Variants in KAT2B observed in about 807,000 individuals in gnomAD.
The protein encoded by KAT2B is histone acetyltransferase KAT2B.
In KAT2B, 36 loss-of-function variants were observed where a neutral mutation model predicts 105.9. That is an observed-to-expected ratio of 0.34 (90% CI 0.26 to 0.45). The LOEUF (loss-of-function observed/expected upper bound fraction) is 0.45. Ranked by LOEUF, KAT2B falls within the 20% of genes least tolerant of loss-of-function variation. The pLI, the probability that KAT2B is intolerant of heterozygous loss-of-function variation, is 1.00. For missense variants in KAT2B, 820 were observed against 1,021.6 expected, an observed-to-expected ratio of 0.80 and a Z score of 2.69; for synonymous variants, 397 against 377.9, an observed-to-expected ratio of 1.05 and a Z score of -0.59.
chr3:20,146,254 C>A, intron 13 of KAT2B, 62 bp from the exon 14 acceptor site: 3 of 911,026 alleles, frequency 3.3e-6, no homozygotes, highest in South Asian at 1.4e-5. Flanking sequence ...ATTAGGTTGA[C>A]TGACTTGAAC....
chr3:20,118,360 A>ATG (rs1559321062), intron 7 of KAT2B, among the ~76,000 whole-genome samples: 2 of 129,462 alleles, frequency 1.5e-5, no homozygotes, highest in African/African-American at 2.9e-5. Context: ...GTGTGTGTGT[A>ATG]TGTGTGTGTA....
At chr3:20,127,761 G>C (rs1429101149) in intron 11 of KAT2B, among the ~76,000 whole-genome samples, 1 of 152,196 alleles carries the variant, frequency 6.6e-6, no homozygotes. Flanking sequence ...CCACGGGTCA[G>C]ATTAGGGCTA....
At position 20,122,691 on chromosome 3, in the gene KAT2B, T is replaced by C; in HGVS notation, c.1300T>C (p.Ser434Pro). Residue 434 changes from serine (S) to proline (P), a missense_variant, in exon 9 of 18, where the codon TCT becomes CCT. By Grantham distance (74) the Ser-to-Pro change is moderately conservative (BLOSUM62 -1). This residue lies in a region of KAT2B where 225 missense variants were observed against 268.1 expected (regional missense o/e 0.84). Transcript: ENST00000263754. ...NPGEKRKMTD[S>P]HVLEEAKKPR... ...AGGAGAAAAGAGGAAAATGACTGAT[T>C]CTCATGTTCTGGAGGAGGCCAAGAA... 6.2e-7 allele frequency: 1 copy of C among 1,613,872 alleles called. No homozygotes were observed. Among genetic ancestry groups the C allele is most frequent in the Non-Finnish European group, 8.5e-7 (1 of 1,179,856 alleles).
intron 13 of KAT2B, among the ~76,000 whole-genome samples, chr3:20,143,169 T>C (rs1183347870): frequency 1.3e-5 from 2 of 152,142 alleles, no homozygotes; most frequent in Non-Finnish European, 2.9e-5. Flanking sequence ...GACTGAGCTG[T>C]GGACTTCAGG....
At chr3:20,079,411 C>G (rs1698480841) in intron 2 of KAT2B, among the ~76,000 whole-genome samples, 1 of 151,920 alleles carries the variant, frequency 6.6e-6, no homozygotes. Context: ...ATCATGTTGA[C>G]CAAGCTGGTC....
chr3:20,141,375 A>G (rs1292502687), intron 13 of KAT2B, among the ~76,000 whole-genome samples: 1 of 152,168 alleles, frequency 6.6e-6, no homozygotes, highest in Non-Finnish European at 1.5e-5. Context: ...GGCAGAAAAA[A>G]AAAACACTCA....
rs1351887877 is a variant in KAT2B at position 20,069,944 on chromosome 3, G to T, written c.304-2389G>T. Among the ~76,000 whole-genome samples, 3 of 152,148 alleles carry T rather than the reference G, an allele frequency of 2.0e-5. No individual in the cohort carries two copies. The East Asian group carries it at 5.8e-4, about 29-fold the overall frequency. Reference sequence around the variant, plus strand: ...AAATTCTCATGACAATTTCCTTCAAGAACATGGCCTCTGAGATCTTTGCAA... The same window carrying T: ...AAATTCTCATGACAATTTCCTTCAATAACATGGCCTCTGAGATCTTTGCAA... On this transcript the variant is annotated intron_variant, in intron 1 of 17. Coordinates refer to ENST00000263754, the MANE Select transcript of KAT2B (RefSeq NM_003884.5).
chr3:20,108,423 A>T (rs1437489480), intron 5 of KAT2B, among the ~76,000 whole-genome samples: 1 of 152,244 alleles, frequency 6.6e-6, no homozygotes, highest in Non-Finnish European at 1.5e-5. Context: ...TCATTGCAGA[A>T]GATTGGACAT....
chr3:20,063,498 T>TGCGATCTC (rs1225870506), intron 1 of KAT2B, among the ~76,000 whole-genome samples: 1 of 148,456 alleles, frequency 6.7e-6, no homozygotes, highest in Non-Finnish European at 1.5e-5. Context: ...AGTGCAGTGG[T>TGCGATCTC]GCGATCTCAC....
At chr3:20,085,523 T>C (rs1698597524) in intron 2 of KAT2B, among the ~76,000 whole-genome samples, 1 of 151,772 alleles carries the variant, frequency 6.6e-6, no homozygotes, top group Non-Finnish European at 1.5e-5. Flanking sequence ...TTTTTTTTTT[T>C]TTTGCAGGGG....
At chr3:20,126,447 G>A (rs1480867371) in intron 10 of KAT2B, among the ~76,000 whole-genome samples, 5 of 151,830 alleles carry the variant, frequency 3.3e-5, no homozygotes, top group Admixed American at 2.0e-4. Flanking sequence ...TCTTAACTAG[G>A]TGCCATTATT....
intron 1 of KAT2B, among the ~76,000 whole-genome samples, chr3:20,043,679 T>C (rs1172124937): frequency 6.6e-6 from 1 of 151,474 alleles, no homozygotes; most frequent in Non-Finnish European, 1.5e-5. Context: ...CACTGAGGAG[T>C]GCAGGAATCT....
chr3:20,121,732 A>ATGTGTGTGTGTG (rs3840188), intron 8 of KAT2B, among the ~76,000 whole-genome samples: 1 of 109,778 alleles, frequency 9.1e-6, no homozygotes, highest in East Asian at 2.3e-4. Context: ...ACATATGCAT[A>ATGTGTGTGTGTG]TGTGTGTGTG....
intron 6 of KAT2B, among the ~76,000 whole-genome samples, chr3:20,113,863 C>T (rs1699161723): frequency 1.3e-5 from 2 of 152,130 alleles, no homozygotes; most frequent in Non-Finnish European, 2.9e-5. Flanking sequence ...CACCTATTTA[C>T]AAAGTGTTTT....
intron 11 of KAT2B, among the ~76,000 whole-genome samples, chr3:20,131,665 T>G (rs1699513406): frequency 6.6e-6 from 1 of 152,142 alleles, no homozygotes; most frequent in South Asian, 2.1e-4. Flanking sequence ...CCTCCTGTGC[T>G]CAGGTAATCC....
At chr3:20,098,330 C>T (rs980875846) in intron 3 of KAT2B, among the ~76,000 whole-genome samples, 18 of 152,086 alleles carry the variant, frequency 1.2e-4, no homozygotes, top group Admixed American at 4.6e-4. Flanking sequence ...ACAAATGTGG[C>T]GCTGGAGTCT....
Position 20,153,603 on chromosome 3 carries a change from AT to A in KAT2B, c.*1079del, listed in dbSNP as rs1247622676. On this transcript the variant is annotated 3_prime_UTR_variant, in exon 18 of 18. Coordinates refer to ENST00000263754, the MANE Select transcript of KAT2B (RefSeq NM_003884.5). ...CCAGGGTCATAACCCCCTAAAATCC[AT>A]CATGCAACCTTATTAATCTGTCTTG... 27 of 152,714 alleles carry A rather than the reference AT, an allele frequency of 1.8e-4. No homozygotes were observed. Among genetic ancestry groups the A allele is most frequent in the Admixed American group, 1.4e-3 (22 of 15,296 alleles). The allele number at this position is 152,714 out of a possible 1,614,324, so 9.5% of individuals were successfully genotyped here. A position where few individuals can be genotyped will look rare whatever the true frequency, so the allele number is the denominator to read the frequency against.
chr3:20,085,672 G>C (rs941288553), intron 2 of KAT2B, among the ~76,000 whole-genome samples: 1 of 151,590 alleles, frequency 6.6e-6, no homozygotes, highest in African/African-American at 2.4e-5. Flanking sequence ...CACCACACCC[G>C]GCTATTTTTT....
intron 5 of KAT2B, among the ~76,000 whole-genome samples, chr3:20,104,041 C>T (rs954401570): frequency 8.5e-5 from 13 of 152,182 alleles, no homozygotes; most frequent in Non-Finnish European, 1.8e-4. Flanking sequence ...CTCTAAAACT[C>T]AGTCACTGCC....
Sources: allele counts gnomAD v4.1 joint callset (sites outside exome capture counted in the v4.1 genomes callset), GRCh38; gene constraint gnomAD v4.1.1; regional missense constraint gnomAD v4.1.1; transcripts MANE v1.5; gene names NCBI Gene and HGNC (gene_info 2026-07-23, HGNC 2026-07-21).